Variants in NHSL2 observed in about 807,000 individuals in gnomAD.
The protein encoded by NHSL2 is NHS like 2.
Under a neutral mutation model 53.4 loss-of-function variants are expected in NHSL2, and 27 were observed. The ratio of observed to expected loss-of-function variants is 0.51; its 90% confidence interval spans 0.37 to 0.70. NHSL2 has a LOEUF of 0.70. Ranked by LOEUF, NHSL2 falls within the 30% of genes least tolerant of loss-of-function variation. The pLI is 0.00. For missense variants in NHSL2, 892 were observed against 980.1 expected, an observed-to-expected ratio of 0.91 and a Z score of 1.20; for synonymous variants, 408 against 404.1, an observed-to-expected ratio of 1.01 and a Z score of -0.12.
Position 72,149,147 on chromosome X carries a change from C to G in NHSL2, c.*5573C>G, listed in dbSNP as rs754642164. The G allele has an allele frequency of 4.6e-5, 5 of 109,411 alleles. No homozygotes were observed. The Admixed American group carries it at 4.9e-4, about 11-fold the overall frequency. 9.0% of individuals were successfully genotyped at this position (109,411 alleles called of 1,213,427 possible). On this transcript the variant is annotated 3_prime_UTR_variant, in exon 8 of 8. Transcript: ENST00000633930. Reference sequence around the variant, plus strand: ...TATCATATTGGATCAACAAATTGCTCAACCTGCAAAATCTTTGATTAGACT... The same window carrying G: ...TATCATATTGGATCAACAAATTGCTGAACCTGCAAAATCTTTGATTAGACT...
intron 1 of NHSL2, among the ~76,000 whole-genome samples, chrX:72,095,569 G>T (rs2041937190): frequency 8.9e-6 from 1 of 112,231 alleles, no homozygotes; most frequent in Non-Finnish European, 1.9e-5. Context: ...TGTCCTCCCG[G>T]GCTGGTTGGC....
At chrX:72,086,676 TC>T (rs1239612417) in intron 1 of NHSL2, among the ~76,000 whole-genome samples, 2 of 52,653 alleles carry the variant, frequency 3.8e-5, no homozygotes, top group African/African-American at 1.7e-4. Flanking sequence ...AGAGTGAAAC[TC>T]CATCTCAAAA....
chrX:71,939,484 A>G lies in NHSL2; in HGVS notation c.280+28117A>G, dbSNP rs555437529. On this transcript the variant is annotated intron_variant, in intron 1 of 7. Coordinates refer to ENST00000633930, the MANE Select transcript of NHSL2 (RefSeq NM_001013627.3). ...TGGATGAATCTCAGGCACATTTAGA[A>G]GAAAGAATAGACAGATGTGGACAGT... Among the ~76,000 whole-genome samples, 3 of 112,192 alleles carry G rather than the reference A, an allele frequency of 2.7e-5. No individual in the cohort carries two copies. In the South Asian group the frequency reaches 1.1e-3, roughly 42 times the overall value.
At chrX:72,103,663 C>T (rs2042014539) in intron 1 of NHSL2, among the ~76,000 whole-genome samples, 1 of 112,250 alleles carries the variant, frequency 8.9e-6, no homozygotes, top group Non-Finnish European at 1.9e-5. Context: ...GATGGCTGTG[C>T]ACTACCCCAT....
At chrX:71,936,638 G>C (rs912169077) in intron 1 of NHSL2, among the ~76,000 whole-genome samples, 2 of 112,275 alleles carry the variant, frequency 1.8e-5, no homozygotes, top group Non-Finnish European at 3.8e-5. Flanking sequence ...CAAACAAAGA[G>C]AAACAAAACA....
At position 72,148,008 on chromosome X, in the gene NHSL2, G is replaced by A. The variant is rs1349524641; in HGVS notation, c.*4434G>A. 9.0e-6 allele frequency: 1 copy of A among 111,315 alleles called. No homozygotes were observed. Among genetic ancestry groups the A allele is most frequent in the African/African-American group, 3.3e-5 (1 of 30,569 alleles). The allele number at this position is 111,315 out of a possible 1,213,427, so 9.2% of individuals were successfully genotyped here. A position where few individuals can be genotyped will look rare whatever the true frequency, so the allele number is the denominator to read the frequency against. On this transcript the variant is annotated 3_prime_UTR_variant, in exon 8 of 8. Coordinates refer to ENST00000633930, the MANE Select transcript of NHSL2 (RefSeq NM_001013627.3). ...CCAGAATATAGAAAATATCTTAATCGCCTGGAATCATTTGAGTTACTAGCT... is the reference window on the plus strand; with the variant it reads ...CCAGAATATAGAAAATATCTTAATCACCTGGAATCATTTGAGTTACTAGCT...
At chrX:71,945,324 G>A (rs2041787283) in intron 1 of NHSL2, among the ~76,000 whole-genome samples, 1 of 112,325 alleles carries the variant, frequency 8.9e-6, no homozygotes, top group Non-Finnish European at 1.9e-5. Flanking sequence ...ACCTCACTCT[G>A]CCTCACTGCT....
chrX:72,116,723 G>C (rs1260997004), intron 1 of NHSL2, among the ~76,000 whole-genome samples: 1 of 111,180 alleles, frequency 9.0e-6, no homozygotes, highest in African/African-American at 3.3e-5. Flanking sequence ...GTGAGCAAGA[G>C]TGTGGTCCAC....
At chrX:72,001,534 G>A (rs1471488461) in intron 1 of NHSL2, among the ~76,000 whole-genome samples, 1 of 111,781 alleles carries the variant, frequency 8.9e-6, no homozygotes, top group African/African-American at 3.3e-5. Flanking sequence ...GACTCTCTAA[G>A]TAACAGTTTC....
chrX:71,911,998 G>T (rs1434657251), intron 1 of NHSL2, among the ~76,000 whole-genome samples: 1 of 112,136 alleles, frequency 8.9e-6, no homozygotes, highest in Non-Finnish European at 1.9e-5. Context: ...CGGGAGGGGG[G>T]AGGGGAGAAT....
At chrX:71,915,604 G>C (rs1321295975) in intron 1 of NHSL2, among the ~76,000 whole-genome samples, 1 of 112,044 alleles carries the variant, frequency 8.9e-6, no homozygotes, top group Non-Finnish European at 1.9e-5. Flanking sequence ...TATCTTACTA[G>C]ATTCTTTCTC....
chrX:71,959,761 C>T (rs1001752472), intron 1 of NHSL2, among the ~76,000 whole-genome samples: 1 of 112,040 alleles, frequency 8.9e-6, no homozygotes, highest in Non-Finnish European at 1.9e-5. Context: ...ACTTAACATA[C>T]GGTTTTTTGA....
At position 72,080,815 on chromosome X, in the gene NHSL2, T is replaced by C. The variant is rs1046132857; in HGVS notation, c.281-51264T>C. Among the ~76,000 whole-genome samples the C allele has an allele frequency of 4.5e-5, 5 of 111,648 alleles. No individual in the cohort carries two copies. In the East Asian group the frequency reaches 1.4e-3, roughly 32 times the overall value. ...GCAGGAAAGGGGTTCCTGTCACTGGTCTTCTGTACACACAGGTTGCTACCA... is the reference window on the plus strand; with the variant it reads ...GCAGGAAAGGGGTTCCTGTCACTGGCCTTCTGTACACACAGGTTGCTACCA... On this transcript the variant is annotated intron_variant, in intron 1 of 7. Coordinates refer to ENST00000633930, the MANE Select transcript of NHSL2 (RefSeq NM_001013627.3).
chrX:71,985,422 G>T (rs1396703026), intron 1 of NHSL2, among the ~76,000 whole-genome samples: 1 of 112,212 alleles, frequency 8.9e-6, no homozygotes, highest in Admixed American at 9.4e-5. Context: ...CAAAGCCTTG[G>T]TAAAATAACC....
intron 1 of NHSL2, among the ~76,000 whole-genome samples, chrX:71,944,934 T>C (rs1446143072): frequency 8.9e-6 from 1 of 112,055 alleles, no homozygotes; most frequent in Non-Finnish European, 1.9e-5. Context: ...GGAACTCTGA[T>C]GGTACAAAAA....
chrX:72,107,047 G>A (rs1416019995), intron 1 of NHSL2, among the ~76,000 whole-genome samples: 2 of 110,631 alleles, frequency 1.8e-5, no homozygotes, highest in African/African-American at 3.3e-5. Flanking sequence ...AACCAACATG[G>A]CACATGTGTA....
intron 1 of NHSL2, among the ~76,000 whole-genome samples, chrX:71,921,295 C>T (rs1215970259): frequency 9.3e-6 from 1 of 107,267 alleles, no homozygotes; most frequent in Non-Finnish European, 1.9e-5. Context: ...TTGCGCATGC[C>T]TGTAATCCCA....
At chrX:71,960,142 G>A (rs1185601863) in intron 1 of NHSL2, among the ~76,000 whole-genome samples, 1 of 112,425 alleles carries the variant, frequency 8.9e-6, no homozygotes, top group East Asian at 2.8e-4. Flanking sequence ...TGATGTGTTA[G>A]TTGGCACTTT....
At chrX:72,069,973 C>T (rs1602345173) in intron 1 of NHSL2, among the ~76,000 whole-genome samples, 2 of 112,136 alleles carry the variant, frequency 1.8e-5, no homozygotes, top group Admixed American at 9.4e-5. Context: ...CCAGCCCCTT[C>T]GCCGGCAACC....
Sources: allele counts gnomAD v4.1 joint callset (sites outside exome capture counted in the v4.1 genomes callset), GRCh38; gene constraint gnomAD v4.1.1; transcripts MANE v1.5; gene names NCBI Gene and HGNC (gene_info 2026-07-23, HGNC 2026-07-21).